Variants in SCUBE1 observed in about 807,000 individuals in gnomAD.
The protein encoded by SCUBE1 is signal peptide, CUB domain and EGF like domain containing 1.
A neutral mutation model predicts 124.4 loss-of-function variants in SCUBE1; 59 were observed. The observed-to-expected ratio is 0.47, with a 90% CI of 0.38 to 0.59. The LOEUF (loss-of-function observed/expected upper bound fraction) is 0.59, where lower values mean the gene tolerates loss of function less well. SCUBE1 is among the 20% of genes least tolerant of loss of function. The pLI is 0.00. For missense variants in SCUBE1, 1,150 were observed against 1,371.2 expected, an observed-to-expected ratio of 0.84 and a Z score of 2.55; for synonymous variants, 545 against 550.9, an observed-to-expected ratio of 0.99 and a Z score of 0.15.
Position 43,211,179 on chromosome 22 carries a change from G to C in SCUBE1, c.2222-96C>G, listed in dbSNP as rs1402857786. 1 of 1,317,060 alleles carries C rather than the reference G, an allele frequency of 7.6e-7. No individual in the cohort carries two copies. Among genetic ancestry groups the C allele is most frequent in the Non-Finnish European group, 1.1e-6 (1 of 951,418 alleles). The allele number at this position is 1,317,060 out of a possible 1,614,324, so 81.6% of individuals were successfully genotyped here. ...CCCCAGGACCTCTCATGCCCTCGAG[G>C]TCTGTTTTGGCACAGAGTTCAAGGC... On this transcript the variant is annotated intron_variant, in intron 17 of 21. Coordinates refer to ENST00000360835, the MANE Select transcript of SCUBE1 (RefSeq NM_173050.5). The surrounding 1 kb of genome is among the most constrained non-coding windows in gnomAD (Gnocchi z 4.5).
At chr22:43,310,471 G>A (rs1364933241) in intron 3 of SCUBE1, among the ~76,000 whole-genome samples, 1 of 152,208 alleles carries the variant, frequency 6.6e-6, no homozygotes, top group Non-Finnish European at 1.5e-5. Flanking sequence ...TGCCCATAGT[G>A]TCCTGGCTGA....
intron 2 of SCUBE1, among the ~76,000 whole-genome samples, chr22:43,320,473 T>C (rs536063405): frequency 5.3e-5 from 8 of 152,350 alleles, no homozygotes; most frequent in African/African-American, 1.9e-4. Flanking sequence ...TCCAGCTTCC[T>C]TGCTATAACA....
At position 43,210,127 on chromosome 22, in the gene SCUBE1, T is replaced by C; in HGVS notation, c.2497A>G (p.Lys833Glu). 2 of 1,612,676 alleles carry C rather than the reference T, an allele frequency of 1.2e-6. No homozygotes were observed. Among genetic ancestry groups the C allele is most frequent in the South Asian group, 2.2e-5 (2 of 91,036 alleles). The change falls in exon 19 of 22, where the codon AAG becomes GAG. Residue 833 changes from lysine to glutamate, a missense_variant. This residue lies in a region of SCUBE1 where 757 missense variants were observed against 840.9 expected (regional missense o/e 0.90). Coordinates refer to ENST00000360835, the MANE Select transcript of SCUBE1 (RefSeq NM_173050.5). This position sits in a 1 kb window ranked among gnomAD's most constrained non-coding sequence, Gnocchi z 4.5. ...ECVWHIAPPP[K>E]RRILIVVPEI... ...GGGACCACGATGAGGATCCTGCGCT[T>C]TGGGGGAGGCGCGATGTGCCAGACG...
intron 15 of SCUBE1, among the ~76,000 whole-genome samples, chr22:43,216,606 T>C (rs1196631440): frequency 6.6e-6 from 1 of 151,866 alleles, no homozygotes; most frequent in East Asian, 2.0e-4. Context: ...GAGCTGAGAT[T>C]ACACCATTGC....
At chr22:43,289,224 C>T (rs1345493974) in intron 4 of SCUBE1, among the ~76,000 whole-genome samples, 1 of 152,234 alleles carries the variant, frequency 6.6e-6, no homozygotes, top group Admixed American at 6.5e-5. Flanking sequence ...GGCCCCTCCC[C>T]GCACTTGCTC....
intron 6 of SCUBE1, among the ~76,000 whole-genome samples, chr22:43,246,852 C>T (rs1042746989): frequency 5.9e-4 from 90 of 152,064 alleles, no homozygotes; most frequent in Admixed American, 7.2e-4. Flanking sequence ...TCCCACCCTC[C>T]CACCCTGTGA....
chr22:43,237,269 G>C (rs1249022668), intron 7 of SCUBE1, among the ~76,000 whole-genome samples: 1 of 152,186 alleles, frequency 6.6e-6, no homozygotes, highest in Non-Finnish European at 1.5e-5. Context: ...GCCCCCTCTT[G>C]GGCCACATGC....
intron 2 of SCUBE1, among the ~76,000 whole-genome samples, chr22:43,325,994 T>G (rs1926715721): frequency 6.6e-6 from 1 of 151,984 alleles, no homozygotes; most frequent in Non-Finnish European, 1.5e-5. Flanking sequence ...AAATATACAT[T>G]TACTCTGTGG....
At chr22:43,205,111 T>C (rs984931582) in intron 21 of SCUBE1, among the ~76,000 whole-genome samples, 2 of 152,130 alleles carry the variant, frequency 1.3e-5, no homozygotes, top group African/African-American at 2.4e-5. Flanking sequence ...CTCGGGAACA[T>C]CGCTTTGCTG....
intron 16 of SCUBE1, 44 bp downstream of exon 16, chr22:43,214,046 C>T (rs772722040): frequency 9.5e-6 from 4 of 422,828 alleles, no homozygotes; most frequent in South Asian, 4.7e-5. Context: ...GAGGAGCCCC[C>T]GCCCACCCCC....
At chr22:43,219,007 C>T (rs1234020027) in intron 14 of SCUBE1, among the ~76,000 whole-genome samples, 1 of 152,238 alleles carries the variant, frequency 6.6e-6, no homozygotes, top group Non-Finnish European at 1.5e-5. Flanking sequence ...CATTCCTTGC[C>T]ACCTTTTCCA....
rs1195082764 is a variant in SCUBE1, at chr22:43,343,292, C to T, written c.-31G>A. 4 of 1,060,142 alleles carry T rather than the reference C, an allele frequency of 3.8e-6. No individual in the cohort carries two copies. Among genetic ancestry groups the T allele is most frequent in the Admixed American group, 1.1e-4 (2 of 19,022 alleles). The allele number at this position is 1,060,142 out of a possible 1,614,324, so 65.7% of individuals were successfully genotyped here. On this transcript the variant is annotated 5_prime_UTR_variant, in exon 1 of 22. Transcript: ENST00000360835. ...ATGCGGGCCCCGCTGGGCGTGCGGG[C>T]GTGCGGGGCGCGGGGACCCGACCGA... is the stretch of plus-strand genomic sequence containing the variant.
At position 43,227,479 on chromosome 22, in the gene SCUBE1, T is replaced by C; in HGVS notation, c.1102A>G (p.Met368Val). 2.5e-6 allele frequency: 4 copies of C among 1,612,760 alleles called. No individual in the cohort carries two copies. Among genetic ancestry groups the C allele is most frequent in the Non-Finnish European group, 1.7e-6 (2 of 1,179,830 alleles). The change falls in exon 10 of 22, where the codon ATG (methionine) becomes GTG (valine). Residue 368 changes from methionine to valine, a missense_variant. Met to Val is a conservative substitution (Grantham distance 21, BLOSUM62 1). Coordinates refer to ENST00000360835, the MANE Select transcript of SCUBE1 (RefSeq NM_173050.5). ...THCGDVDECS[M>V]SNGSCDQGCV... Reference sequence around the variant, plus strand: ...CCCTGGTCACAGCTCCCGTTGCTCATGCTGCACTCGTCCACATCTGGAAGC... The same window carrying C: ...CCCTGGTCACAGCTCCCGTTGCTCACGCTGCACTCGTCCACATCTGGAAGC...
chr22:43,229,181 G>C lies in SCUBE1; in HGVS notation c.975C>G (p.Asp325Glu). ...CACAGGTCCGCTCGAAGGAGCACTC[G>C]TCGATGTCTGCGTGGCCACAGGGAG... ...LTDERTCQDI[D>E]ECSFERTCDH... The change falls in exon 9 of 22, where the codon GAC becomes GAG. Residue 325 changes from aspartate (D) to glutamate (E), a missense_variant. Coordinates refer to ENST00000360835, the MANE Select transcript of SCUBE1 (RefSeq NM_173050.5). 1 of 1,612,672 alleles carries C rather than the reference G, an allele frequency of 6.2e-7. No individual in the cohort carries two copies. Among genetic ancestry groups the C allele is most frequent in the Non-Finnish European group, 8.5e-7 (1 of 1,178,826 alleles).
intron 3 of SCUBE1, among the ~76,000 whole-genome samples, chr22:43,302,432 T>C (rs1035310717): frequency 3.0e-4 from 45 of 152,178 alleles, no homozygotes; most frequent in African/African-American, 1.1e-3. Flanking sequence ...TTCACTCACT[T>C]TGCTAGACCA....
At chr22:43,302,828 A>C (rs1925823636) in intron 3 of SCUBE1, among the ~76,000 whole-genome samples, 1 of 152,220 alleles carries the variant, frequency 6.6e-6, no homozygotes, top group African/African-American at 2.4e-5. Flanking sequence ...CCAAAGCGAG[A>C]AGCTGTAAGG....
rs1367861951 is a variant in SCUBE1 at position 43,198,723 on chromosome 22, G to A, written c.*5274C>T. Reference sequence around the variant, plus strand: ...GGACCAGGGGAGGTGAAAATGGCTGGACTCCCTGGGTGAGAAGGAAGGCTT... The same window carrying A: ...GGACCAGGGGAGGTGAAAATGGCTGAACTCCCTGGGTGAGAAGGAAGGCTT... On this transcript the variant is annotated 3_prime_UTR_variant, in exon 22 of 22. Transcript: ENST00000360835. 2.2e-6 allele frequency: 1 copy of A among 456,698 alleles called. No homozygotes were observed. Among genetic ancestry groups the A allele is most frequent in the East Asian group, 6.9e-5 (1 of 14,400 alleles). 28.3% of individuals were successfully genotyped at this position (456,698 alleles called of 1,614,324 possible). A position where few individuals can be genotyped will look rare whatever the true frequency, so the allele number is the denominator to read the frequency against.
chr22:43,331,274 A>G (rs192177924), intron 2 of SCUBE1, among the ~76,000 whole-genome samples: 2 of 152,304 alleles, frequency 1.3e-5, no homozygotes, highest in African/African-American at 2.4e-5. Context: ...ATACATGCTA[A>G]TTTTGTGATA....
intron 8 of SCUBE1, among the ~76,000 whole-genome samples, chr22:43,230,921 C>A (rs1379409441): frequency 6.6e-6 from 1 of 152,212 alleles, no homozygotes; most frequent in Non-Finnish European, 1.5e-5. Context: ...GGTACCCAGA[C>A]AAGGCCACAT....
Sources: allele counts gnomAD v4.1 joint callset (sites outside exome capture counted in the v4.1 genomes callset), GRCh38; gene constraint gnomAD v4.1.1; regional missense constraint gnomAD v4.1.1; non-coding constraint Gnocchi (gnomAD v3.1); transcripts MANE v1.5; gene names NCBI Gene and HGNC (gene_info 2026-07-23, HGNC 2026-07-21).